Variants in ESCO1 observed in about 807,000 individuals in gnomAD.
The protein encoded by ESCO1 is N-acetyltransferase ESCO1.
In ESCO1, 33 loss-of-function variants were observed where a neutral mutation model predicts 83.5. That is an observed-to-expected ratio of 0.40 (90% confidence interval 0.30 to 0.53). The LOEUF is 0.53. Among genes scored for constraint, ESCO1 ranks in the 20% least tolerant of loss-of-function variants. ESCO1 has a pLI of 0.63. For synonymous variants in ESCO1, 332 were observed against 324.3 expected (o/e 1.02, Z -0.25); for missense variants, 855 against 968.0 (o/e 0.88, Z 1.55).
At chr18:21,592,177 G>C (rs1357231107) in intron 1 of ESCO1, among the ~76,000 whole-genome samples, 1 of 149,002 alleles carries the variant, frequency 6.7e-6, no homozygotes. Context: ...TTCTCAATAA[G>C]CTGTTGGGCA....
chr18:21,582,680 A>G (rs1335574345), intron 2 of ESCO1, among the ~76,000 whole-genome samples: 2 of 152,260 alleles, frequency 1.3e-5, no homozygotes, highest in East Asian at 3.8e-4. Flanking sequence ...ACAGGGAAAC[A>G]ACTACAAATG....
chr18:21,539,571 G>A (rs1272071496), intron 9 of ESCO1, among the ~76,000 whole-genome samples: 1 of 152,120 alleles, frequency 6.6e-6, no homozygotes, highest in Non-Finnish European at 1.5e-5. Context: ...TGCGAAATGG[G>A]CCAGGCGCAG....
chr18:21,538,597 C>T (rs1274456191), intron 9 of ESCO1, among the ~76,000 whole-genome samples: 1 of 152,110 alleles, frequency 6.6e-6, no homozygotes, highest in Non-Finnish European at 1.5e-5. Flanking sequence ...AATAAACTTA[C>T]ATATTTTAAA....
chr18:21,540,103 T>G, intron 8 of ESCO1, 94 bp from the exon 9 acceptor site: 1 of 1,133,558 alleles, frequency 8.8e-7, no homozygotes, highest in Non-Finnish European at 1.2e-6. Flanking sequence ...AAAAAGTACA[T>G]CAATTTGTCT....
At chr18:21,592,598 G>C (rs2038692897) in intron 1 of ESCO1, among the ~76,000 whole-genome samples, 1 of 149,048 alleles carries the variant, frequency 6.7e-6, no homozygotes, top group African/African-American at 2.5e-5. Context: ...TGGTGGGGCG[G>C]GAGGCTGACC....
chr18:21,564,661 G>T (rs1408132799), intron 6 of ESCO1, among the ~76,000 whole-genome samples: 2 of 151,820 alleles, frequency 1.3e-5, no homozygotes, highest in African/African-American at 4.8e-5. Context: ...CTCCCAAAGT[G>T]CTGGGATTAC....
chr18:21,589,963 G>C (rs915686781), intron 1 of ESCO1, among the ~76,000 whole-genome samples: 2 of 151,764 alleles, frequency 1.3e-5, no homozygotes, highest in African/African-American at 4.8e-5. Flanking sequence ...GAGTAGCTGG[G>C]ACTACAGGCA....
chr18:21,566,839 G>C (rs1449545368), intron 5 of ESCO1, among the ~76,000 whole-genome samples: 2 of 148,138 alleles, frequency 1.4e-5, no homozygotes, highest in East Asian at 3.9e-4. Flanking sequence ...CAGCCTGGAG[G>C]ACAGAGCAAG....
chr18:21,573,447 T>G lies in ESCO1; in HGVS notation c.1397A>C (p.Asn466Thr), dbSNP rs751306073. 23 of 1,612,238 alleles carry G rather than the reference T, an allele frequency of 1.4e-5. No individual in the cohort carries two copies. The highest frequency in any genetic ancestry group is 1.9e-5 in the Non-Finnish European group (22 of 1,179,588). Residue 466 changes from asparagine to threonine, a missense_variant, in exon 4 of 12, where the codon AAT (asparagine) becomes ACT (threonine). Physicochemically the swap from Asn to Thr is moderately conservative, Grantham distance 65. This residue lies in a region of ESCO1 where 726 missense variants were observed against 699.5 expected (regional missense o/e 1.04). Transcript: ENST00000269214. ...KEINSEEVKINDITVEINKTT... is the reference protein window; with the variant it reads ...KEINSEEVKITDITVEINKTT... ...TTTATTAATTTCTACTGTAATATCA[T>G]TAATTTTCACTTCTTCAGAATTAAT...
intron 8 of ESCO1, among the ~76,000 whole-genome samples, chr18:21,546,371 G>T (rs942924531): frequency 1.3e-5 from 2 of 150,230 alleles, no homozygotes; most frequent in African/African-American, 4.9e-5. Context: ...GAGCAGCATG[G>T]TGAAACCCTG....
intron 10 of ESCO1, among the ~76,000 whole-genome samples, chr18:21,534,871 G>A (rs973907358): frequency 1.9e-4 from 29 of 151,624 alleles, no homozygotes; most frequent in Non-Finnish European, 7.4e-5. Context: ...TGATCTGCCC[G>A]CCTCAGCCTC....
At chr18:21,593,795 C>T (rs2038720932) in intron 1 of ESCO1, among the ~76,000 whole-genome samples, 2 of 137,124 alleles carry the variant, frequency 1.5e-5, no homozygotes, top group Admixed American at 8.1e-5. Context: ...CCTGCCATGG[C>T]CACAGGCACC....
chr18:21,590,373 C>T (rs2038647963), intron 1 of ESCO1, among the ~76,000 whole-genome samples: 1 of 151,854 alleles, frequency 6.6e-6, no homozygotes, highest in Non-Finnish European at 1.5e-5. Context: ...AGGCACGCGC[C>T]ACCACACCCA....
At chr18:21,583,125 T>G (rs1014455034) in intron 2 of ESCO1, among the ~76,000 whole-genome samples, 17 of 152,008 alleles carry the variant, frequency 1.1e-4, no homozygotes, top group Non-Finnish European at 1.9e-4. Context: ...GAGGTTGCAG[T>G]GAGCCGAAAT....
intron 9 of ESCO1, among the ~76,000 whole-genome samples, chr18:21,538,825 G>A (rs1352408991): frequency 1.3e-5 from 2 of 151,998 alleles, no homozygotes; most frequent in African/African-American, 2.4e-5. Context: ...CTAACATTAT[G>A]AGGTATTTCT....
chr18:21,586,519 G>A (rs1210884624), intron 1 of ESCO1, among the ~76,000 whole-genome samples: 1 of 152,146 alleles, frequency 6.6e-6, no homozygotes, highest in Non-Finnish European at 1.5e-5. Context: ...ATTTATTAAA[G>A]CAATTATTTT....
At position 21,573,871 on chromosome 18, in the gene ESCO1, A is replaced by G. The variant is rs148632485; in HGVS notation, c.973T>C (p.Ser325Pro). The G allele has an allele frequency of 4.6e-4, 741 of 1,613,858 alleles. 1 individual carries two copies. The highest frequency in any genetic ancestry group is 6.8e-4 in the Admixed American group (41 of 59,966). ...TCCTTTACACTTTCCATTTGTGAAG[A>G]TTCCTTTTTTACCTCTACATTATCT... ...ESDNVEVKKE[S>P]SQMESVKEEK... Residue 325 changes from serine (S) to proline (P), a missense_variant, in exon 4 of 12, where the codon TCT becomes CCT. By Grantham distance (74) the Ser-to-Pro change is moderately conservative. This residue lies in a region of ESCO1 where 726 missense variants were observed against 699.5 expected (regional missense o/e 1.04). Coordinates refer to ENST00000269214, the MANE Select transcript of ESCO1 (RefSeq NM_052911.3).
intron 8 of ESCO1, among the ~76,000 whole-genome samples, chr18:21,555,128 G>A (rs1016137683): frequency 3.9e-5 from 6 of 151,988 alleles, no homozygotes; most frequent in African/African-American, 1.4e-4. Flanking sequence ...CATGGGAGAT[G>A]TTTAAGTGCA....
chr18:21,533,065 T>A (rs995747642), intron 10 of ESCO1, among the ~76,000 whole-genome samples: 14 of 152,138 alleles, frequency 9.2e-5, no homozygotes, highest in Non-Finnish European at 1.8e-4. Context: ...AGTAACTGTT[T>A]CTGTGATTGC....
Sources: gnomAD v4.1 joint callset for allele counts (sites outside exome capture counted in the v4.1 genomes callset) on GRCh38, gnomAD v4.1.1 for gene constraint, gnomAD v4.1.1 regional missense constraint, MANE v1.5 for transcripts, NCBI Gene and HGNC (gene_info 2026-07-23, HGNC 2026-07-21) for gene names.